CENPW: variants seen among roughly 807,000 people sequenced by gnomAD.
CENPW encodes the protein cancer-up-regulated gene 2 protein.
CENPW carries 3 observed loss-of-function variants against 11.1 expected under a neutral mutation model. The ratio of observed to expected loss-of-function variants is 0.27; its 90% CI spans 0.12 to 0.70. The LOEUF is 0.70. CENPW is among the 30% of genes least tolerant of loss of function. The pLI is 0.77. For synonymous variants in CENPW, 38 were observed against 42.0 expected, an observed-to-expected ratio of 0.91 and a Z score of 0.37; for missense variants, 100 against 105.6, an observed-to-expected ratio of 0.95 and a Z score of 0.23.
chr6:126,383,703 C>A, the CENPW span, among the ~76,000 whole-genome samples: 1 of 152,112 alleles, frequency 6.6e-6, no homozygotes, highest in Non-Finnish European at 1.5e-5. Context: ...ATGAAGGGAT[C>A]AATTCCACAA....
the CENPW span, among the ~76,000 whole-genome samples, chr6:126,402,884 A>AT: frequency 6.6e-6 from 1 of 151,960 alleles, no homozygotes; most frequent in Admixed American, 6.6e-5. Context: ...CAGATATTGC[A>AT]TTTTTTTAAA....
chr6:126,397,580 G>T, the CENPW span, among the ~76,000 whole-genome samples: 1 of 152,080 alleles, frequency 6.6e-6, no homozygotes, highest in Non-Finnish European at 1.5e-5. Context: ...TTGTGTGTGT[G>T]TATAGATGGT....
the CENPW span, among the ~76,000 whole-genome samples, chr6:126,393,977 A>G: frequency 4.0e-5 from 6 of 151,706 alleles, no homozygotes; most frequent in East Asian, 1.9e-4. Context: ...TTCCATTGGC[A>G]TGGATTATCT....
At chr6:126,482,870 C>A in the CENPW span, among the ~76,000 whole-genome samples, 7 of 151,980 alleles carry the variant, frequency 4.6e-5, no homozygotes, top group Non-Finnish European at 5.9e-5. Flanking sequence ...ATAAAACTGT[C>A]AATTTGCACA....
chr6:126,420,677 G>A, the CENPW span, among the ~76,000 whole-genome samples: 1 of 152,098 alleles, frequency 6.6e-6, no homozygotes, highest in Non-Finnish European at 1.5e-5. Flanking sequence ...GTCCTCAGTA[G>A]GAAGCAGCTT....
the CENPW span, among the ~76,000 whole-genome samples, chr6:126,442,001 A>G: frequency 6.6e-6 from 1 of 151,568 alleles, no homozygotes; most frequent in South Asian, 2.1e-4. Context: ...CAGTAGTTCT[A>G]CTTTGAGTTC....
chr6:126,417,251 G>T, the CENPW span, among the ~76,000 whole-genome samples: 1 of 152,156 alleles, frequency 6.6e-6, no homozygotes, highest in Non-Finnish European at 1.5e-5. Flanking sequence ...TGGAATGGCT[G>T]TATTTAATGC....
At chr6:126,461,084 A>G in the CENPW span, among the ~76,000 whole-genome samples, 1 of 151,892 alleles carries the variant, frequency 6.6e-6, no homozygotes, top group African/African-American at 2.4e-5. Flanking sequence ...ATGACCTGAC[A>G]CGGTTTGGCT....
the CENPW span, among the ~76,000 whole-genome samples, chr6:126,421,737 T>A: frequency 6.6e-6 from 1 of 152,056 alleles, no homozygotes; most frequent in African/African-American, 2.4e-5. Context: ...TCTCTATCAG[T>A]CAAAGATTGT....
chr6:126,416,531 GCCC>G, the CENPW span, among the ~76,000 whole-genome samples: 1 of 152,150 alleles, frequency 6.6e-6, no homozygotes, highest in Non-Finnish European at 1.5e-5. Context: ...CCCATCACAA[GCCC>G]AGGGTCCAGG....
chr6:126,433,688 G>A, the CENPW span, among the ~76,000 whole-genome samples: 1 of 152,118 alleles, frequency 6.6e-6, no homozygotes, highest in Non-Finnish European at 1.5e-5. Flanking sequence ...GTTTTAGATA[G>A]TTTAAGAAAG....
the CENPW span, among the ~76,000 whole-genome samples, chr6:126,451,921 A>G: frequency 6.6e-6 from 1 of 151,148 alleles, no homozygotes; most frequent in African/African-American, 2.4e-5. Flanking sequence ...TGAGATGCAC[A>G]TGTGTGGATC....
chr6:126,410,701 T>C, the CENPW span, among the ~76,000 whole-genome samples: 1 of 151,890 alleles, frequency 6.6e-6, no homozygotes, highest in Non-Finnish European at 1.5e-5. Context: ...TTCATTTTTT[T>C]CCCTGTGAGT....
the CENPW span, among the ~76,000 whole-genome samples, chr6:126,476,684 A>T: frequency 6.6e-6 from 1 of 152,014 alleles, no homozygotes; most frequent in Admixed American, 6.6e-5. Flanking sequence ...CACTTAAAAT[A>T]TCTCAGTATG....
the CENPW span, among the ~76,000 whole-genome samples, chr6:126,464,006 G>A: frequency 8.6e-5 from 13 of 151,876 alleles, no homozygotes; most frequent in African/African-American, 2.9e-4. Flanking sequence ...GATCTTTCTT[G>A]TAAGAAAAAA....
the CENPW span, among the ~76,000 whole-genome samples, chr6:126,415,907 G>T: frequency 6.6e-6 from 1 of 152,114 alleles, no homozygotes; most frequent in Non-Finnish European, 1.5e-5. Context: ...ACAGTAAATT[G>T]GTACCAGTAG....
At chr6:126,397,813 G>T in the CENPW span, among the ~76,000 whole-genome samples, 1 of 152,044 alleles carries the variant, frequency 6.6e-6, no homozygotes, top group Non-Finnish European at 1.5e-5. Flanking sequence ...TAGCTACATT[G>T]TCCTTGTTTC....
chr6:126,361,441 G>A, the CENPW span, among the ~76,000 whole-genome samples: 3 of 152,048 alleles, frequency 2.0e-5, no homozygotes, highest in Non-Finnish European at 4.4e-5. Flanking sequence ...GACTACAGGC[G>A]CCGGCTACCA....
the CENPW span, among the ~76,000 whole-genome samples, chr6:126,481,813 A>G: frequency 3.9e-5 from 6 of 152,128 alleles, no homozygotes; most frequent in Non-Finnish European, 1.5e-5. Flanking sequence ...CTAATTGTTC[A>G]TTCAATCTTA....
Sources: gnomAD v4.1 joint callset for allele counts (sites outside exome capture counted in the v4.1 genomes callset) on GRCh38, gnomAD v4.1.1 for gene constraint, MANE v1.5 for transcripts, NCBI Gene and HGNC (gene_info 2026-07-23, HGNC 2026-07-21) for gene names.